The following ISL1 variants were observed in gnomAD, a reference collection of about 807,000 sequenced individuals.
The protein encoded by ISL1 is ISL LIM homeobox 1.
ISL1 carries 4 observed loss-of-function variants against 35.3 expected under a neutral mutation model. The observed-to-expected ratio is 0.11, with a 90% CI of 0.06 to 0.26. ISL1 has a LOEUF of 0.26. Ranked by LOEUF, ISL1 falls within the 10% of genes least tolerant of loss-of-function variation. ISL1 has a pLI of 1.00. For missense variants in ISL1, 340 were observed against 472.8 expected (o/e 0.72, Z 2.60); for synonymous variants, 186 against 172.3 (o/e 1.08, Z -0.62).
intron 1 of ISL1, 36 bp from the exon 2 acceptor site, chr5:51,384,505 A>C (rs779771753): frequency 6.3e-7 from 1 of 1,595,060 alleles, no homozygotes; most frequent in Non-Finnish European, 8.6e-7. Flanking sequence ...GTAGGAAGTA[A>C]ACGGTTAGTC....
chr5:51,384,188 C>G (rs1189594280), intron 1 of ISL1, among the ~76,000 whole-genome samples: 1 of 144,450 alleles, frequency 6.9e-6, no homozygotes, highest in Non-Finnish European at 1.5e-5. Context: ...TAGTCAAAAC[C>G]TTTTCTTTGA....
At chr5:51,384,413 AAAAAAG>A in intron 1 of ISL1, 122 bp from the exon 2 acceptor site, 38 of 804,694 alleles carry the variant, frequency 4.7e-5, no homozygotes, top group Admixed American at 5.5e-5. Context: ...TAAAAAAAAA[AAAAAAG>A]AAAGAAAGAA....
rs754818700 is a variant in ISL1, at chr5:51,384,632, G to T, written c.120G>T (p.Ala40=). The change falls in exon 2 of 6, where the codon GCG becomes GCT. Residue 40 remains alanine, a synonymous_variant. Coordinates refer to ENST00000230658, the MANE Select transcript of ISL1 (RefSeq NM_002202.3). The stretch of plus-strand genomic sequence containing the variant: ...TTTCTCCGGATTTGGAATGGCATGC[G>T]GCATGTTTGAAATGTGCGGAGTGTA... ...LRVSPDLEWH[A]ACLKCAECNQ... 6 of 1,614,070 alleles carry T rather than the reference G, an allele frequency of 3.7e-6. No individual in the cohort carries two copies. Among genetic ancestry groups the T allele is most frequent in the Non-Finnish European group, 5.1e-6 (6 of 1,180,000 alleles).
chr5:51,386,536 G>C, intron 2 of ISL1: 6 of 453,828 alleles, frequency 1.3e-5, no homozygotes, highest in South Asian at 6.3e-5. Context: ...CTTTCTGTTC[G>C]TAGGAATGCC....
chr5:51,390,155 CGG>C (rs911969398), intron 4 of ISL1, among the ~76,000 whole-genome samples: 9 of 152,192 alleles, frequency 5.9e-5, no homozygotes, highest in Admixed American at 1.3e-4. Context: ...CTCCGTGCGC[CGG>C]GGGAGCAGCA....
rs746421159 is a variant in ISL1 at position 51,391,341 on chromosome 5, A to G, written c.833A>G (p.Gln278Arg). The G allele has an allele frequency of 1.7e-5, 27 of 1,613,930 alleles. No individual in the cohort carries two copies. The East Asian group carries it at 5.3e-4, about 32-fold the overall frequency. The change falls in exon 5 of 6, where the codon CAG (glutamine) becomes CGG (arginine). Residue 278 changes from glutamine to arginine, a missense_variant. Physicochemically the swap from Gln to Arg is conservative, Grantham distance 43. This residue lies in a region of ISL1 where 104 missense variants were observed against 97.3 expected (regional missense o/e 1.07). Transcript: ENST00000230658. Reference protein sequence around the residue: ...ASPERHDGGLQANPVEVQSYQ... With the variant: ...ASPERHDGGLRANPVEVQSYQ... Reference sequence around the variant, plus strand: ...CCAGAGAGACACGACGGTGGCTTACAGGCTAACCCAGTGGAAGTACAAAGT... The same window carrying G: ...CCAGAGAGACACGACGGTGGCTTACGGGCTAACCCAGTGGAAGTACAAAGT...
At chr5:51,384,458 C>T in intron 1 of ISL1, 83 bp from the exon 2 acceptor site, 1 of 1,276,938 alleles carries the variant, frequency 7.8e-7, no homozygotes, top group East Asian at 2.3e-5. Context: ...CAGAGTACGC[C>T]CTATAAGAGA....
At position 51,387,538 on chromosome 5, in the gene ISL1, C is replaced by G. The variant is rs201853354; in HGVS notation, c.267C>G (p.Asn89Lys). ...CAKCSIGFSK[N>K]DFVMRARSKV... Reference sequence around the variant, plus strand: ...AGTGCAGCATCGGCTTCAGCAAGAACGACTTCGTGATGCGTGCCCGCTCCA... The same window carrying G: ...AGTGCAGCATCGGCTTCAGCAAGAAGGACTTCGTGATGCGTGCCCGCTCCA... Residue 89 changes from asparagine (N) to lysine (K), a missense_variant, in exon 3 of 6, where the codon AAC (asparagine) becomes AAG (lysine). Transcript: ENST00000230658. The surrounding 1 kb of genome is among the most constrained non-coding windows in gnomAD (Gnocchi z 4.3). 10 of 1,614,074 alleles carry G rather than the reference C, an allele frequency of 6.2e-6. No individual in the cohort carries two copies. Among genetic ancestry groups the G allele is most frequent in the South Asian group, 1.1e-5 (1 of 91,090 alleles).
rs1446384304 is a variant in ISL1, at chr5:51,394,445, A to G, written c.*835A>G. 1 of 47,922 alleles carries G rather than the reference A, an allele frequency of 2.1e-5. No individual in the cohort carries two copies. Among genetic ancestry groups the G allele is most frequent in the East Asian group, 2.9e-4 (1 of 3,442 alleles). The allele number at this position is 47,922 out of a possible 1,614,324, so 3.0% of individuals were successfully genotyped here. A position where few individuals can be genotyped will look rare whatever the true frequency, so the allele number is the denominator to read the frequency against. The stretch of plus-strand genomic sequence containing the variant: ...TTCTCTCTCTATGGAAATAAAAAGG[A>G]AAAAAAAAAAGGAAACTTTTTTTGT... On this transcript the variant is annotated 3_prime_UTR_variant, in exon 6 of 6. Transcript: ENST00000230658.
At chr5:51,393,435 T>A (rs1343995910) in intron 5 of ISL1, 59 bp from the exon 6 acceptor site, 1 of 947,604 alleles carries the variant, frequency 1.1e-6, no homozygotes, top group Non-Finnish European at 1.7e-6. Context: ...GATGAGTTTA[T>A]AATCTTTTTA....
At chr5:51,383,983 C>T (rs1747276513) in intron 1 of ISL1, among the ~76,000 whole-genome samples, 2 of 152,068 alleles carry the variant, frequency 1.3e-5, no homozygotes, top group Admixed American at 6.6e-5. Flanking sequence ...CTGAGCTCTC[C>T]GAGAAGGTTA....
At chr5:51,390,636 C>CTTTTT (rs1216503548) in intron 4 of ISL1, among the ~76,000 whole-genome samples, 1 of 74,328 alleles carries the variant, frequency 1.3e-5, no homozygotes, top group African/African-American at 4.2e-5. Context: ...TCTTTTCTTT[C>CTTTTT]TTTTTCTTTT....
chr5:51,384,415 A>AAAGAAAG lies in ISL1; in HGVS notation c.29-124_29-123insGAAAGAA, dbSNP rs569618185. On this transcript the variant is annotated intron_variant, in intron 1 of 5. Transcript: ENST00000230658. ...AAGTGCAATGCTCTAAAAAAAAAAA[A>AAAGAAAG]AAAGAAAGAAAGAAAGAAAGAAAAA... is the stretch of plus-strand genomic sequence containing the variant. 20 of 783,090 alleles carry AAAGAAAG rather than the reference A, an allele frequency of 2.6e-5. No individual in the cohort carries two copies. The East Asian group carries it at 5.0e-4, about 20-fold the overall frequency. 48.5% of individuals were successfully genotyped at this position (783,090 alleles called of 1,614,324 possible).
rs1464169964 is a variant in ISL1 at position 51,386,516 on chromosome 5, CTCTT to C, written c.219-973_219-970del. On this transcript the variant is annotated intron_variant, in intron 2 of 5. Coordinates refer to ENST00000230658, the MANE Select transcript of ISL1 (RefSeq NM_002202.3). The stretch of plus-strand genomic sequence containing the variant: ...TCCTGTTATGTGGATCTTTTCCTCT[CTCTT>C]CCATTCTTTCTGTTCGTAGGAATGC... The C allele has an allele frequency of 5.1e-5, 23 of 449,472 alleles. No homozygotes were observed. The Admixed American group carries it at 5.4e-4, about 11-fold the overall frequency. The allele number at this position is 449,472 out of a possible 1,614,324, so 27.8% of individuals were successfully genotyped here. A position where few individuals can be genotyped will look rare whatever the true frequency, so the allele number is the denominator to read the frequency against.
intron 2 of ISL1, chr5:51,386,304 T>C (rs1747339927): frequency 4.3e-6 from 1 of 230,994 alleles, no homozygotes; most frequent in Admixed American, 5.0e-5. Flanking sequence ...GGCTTGCATG[T>C]GCCTAATTCT....
rs755731614 is a variant in ISL1 at position 51,391,285 on chromosome 5, G to T, written c.777G>T (p.Gly259=). 6.2e-7 allele frequency: 1 copy of T among 1,612,470 alleles called. No homozygotes were observed. The highest frequency in any genetic ancestry group is 8.5e-7 in the Non-Finnish European group (1 of 1,179,906). Residue 259 remains glycine (G), a synonymous_variant, in exon 5 of 6, where the codon GGG becomes GGT. Transcript: ENST00000230658. ...QQPNDKTNIQ[G]MTGTPMVAAS... ...GGGCCTATTCACAGAATATCCAGGG[G>T]ATGACAGGAACTCCCATGGTGGCTG...
intron 4 of ISL1, 32 bp from the exon 5 acceptor site, chr5:51,391,242 A>T (rs1433708890): frequency 3.1e-6 from 5 of 1,610,102 alleles, no homozygotes; most frequent in Non-Finnish European, 4.2e-6. Context: ...GCTCATTAAC[A>T]TGTTGGGATT....
chr5:51,384,403 T>TAAAA (rs61652519), intron 1 of ISL1, 138 bp from the exon 2 acceptor site: 49 of 584,938 alleles, frequency 8.4e-5, no homozygotes, highest in Middle Eastern at 4.6e-4. Context: ...TGCAATGCTC[T>TAAAA]AAAAAAAAAA....
At position 51,389,637 on chromosome 5, in the gene ISL1, G is replaced by GC; in HGVS notation, c.479-5dup. On this transcript the variant is annotated splice_polypyrimidine_tract_variant and intron_variant, in intron 3 of 5. Transcript: ENST00000230658. This position sits in a 1 kb window ranked among gnomAD's most constrained non-coding sequence, Gnocchi z 5.0. ...CAGCCCAGCGCTCACGGCGCTCCTT[G>GC]CCCCGCAGCGGAGCCCATCTCCGCC... 6.2e-7 allele frequency: 1 copy of GC among 1,604,882 alleles called. No homozygotes were observed. Among genetic ancestry groups the GC allele is most frequent in the Non-Finnish European group, 8.5e-7 (1 of 1,178,480 alleles).
Sources: gnomAD v4.1 joint callset for allele counts (sites outside exome capture counted in the v4.1 genomes callset) on GRCh38, gnomAD v4.1.1 for gene constraint, gnomAD v4.1.1 regional missense constraint, Gnocchi (gnomAD v3.1) non-coding constraint, MANE v1.5 for transcripts, NCBI Gene and HGNC (gene_info 2026-07-23, HGNC 2026-07-21) for gene names.